The following AXDND1 variants were observed in gnomAD, a reference collection of about 807,000 sequenced individuals.
AXDND1 encodes axonemal dynein light chain domain containing 1.
A neutral mutation model predicts 137.5 loss-of-function variants in AXDND1; 110 were observed. The observed-to-expected ratio is 0.80, with a 90% CI of 0.69 to 0.94. AXDND1 has a LOEUF of 0.94. AXDND1 is among the 40% of genes least tolerant of loss of function. The pLI is 0.00. For synonymous variants in AXDND1, 414 were observed against 399.7 expected (o/e 1.04, Z -0.43); for missense variants, 1,191 against 1,169.8 (o/e 1.02, Z -0.26).
chr1:179,374,778 G>GAAC (rs1212726557), intron 4 of AXDND1, among the ~76,000 whole-genome samples: 1 of 140,270 alleles, frequency 7.1e-6, no homozygotes, highest in East Asian at 2.3e-4. Context: ...TGAACAATGA[G>GAAC]AACACCTGGA....
intron 15 of AXDND1, among the ~76,000 whole-genome samples, chr1:179,441,568 A>G (rs1451494478): frequency 6.6e-6 from 1 of 152,226 alleles, no homozygotes; most frequent in African/African-American, 2.4e-5. Flanking sequence ...CGGCCACGGT[A>G]TGAGGAATCT....
intron 25 of AXDND1, chr1:179,550,696 T>A (rs1673128817): frequency 1.0e-5 from 2 of 190,760 alleles, no homozygotes; most frequent in Admixed American, 5.3e-5. Flanking sequence ...TGAGTGTGGT[T>A]GAGGAAAACT....
chr1:179,418,567 C>T (rs1477820996), intron 12 of AXDND1, among the ~76,000 whole-genome samples: 6 of 150,862 alleles, frequency 4.0e-5, no homozygotes, highest in African/African-American at 7.3e-5. Context: ...TAGGGGCGGC[C>T]GGGCAGAGGC....
intron 4 of AXDND1, among the ~76,000 whole-genome samples, chr1:179,376,383 A>C (rs1394310262): frequency 2.0e-5 from 3 of 152,172 alleles, no homozygotes. Context: ...TGAGGGTTTC[A>C]TATCCGGTGA....
intron 14 of AXDND1, 115 bp from the exon 15 acceptor site, chr1:179,432,152 G>T (rs1187605875): frequency 7.5e-7 from 1 of 1,325,884 alleles, no homozygotes; most frequent in African/African-American, 1.5e-5. Context: ...TGGAAGGCAT[G>T]CTTCAAAATT....
intron 23 of AXDND1, among the ~76,000 whole-genome samples, chr1:179,531,651 G>C (rs905704736): frequency 1.3e-5 from 2 of 152,176 alleles, no homozygotes; most frequent in African/African-American, 4.8e-5. Flanking sequence ...ATAGTCCAAA[G>C]CTGATAGGAG....
chr1:179,508,093 C>A (rs1668697263), intron 20 of AXDND1, among the ~76,000 whole-genome samples: 1 of 152,130 alleles, frequency 6.6e-6, no homozygotes, highest in African/African-American at 2.4e-5. Context: ...GGGCCAGGTA[C>A]AGTGGCTCAT....
At chr1:179,457,805 G>T (rs1375472212) in intron 16 of AXDND1, among the ~76,000 whole-genome samples, 3 of 152,122 alleles carry the variant, frequency 2.0e-5, no homozygotes, top group African/African-American at 7.2e-5. Flanking sequence ...TAAGAAAAAA[G>T]AGTATTTAGA....
chr1:179,444,136 G>A (rs1659397662), intron 15 of AXDND1, among the ~76,000 whole-genome samples: 1 of 151,308 alleles, frequency 6.6e-6, no homozygotes, highest in South Asian at 2.1e-4. Context: ...CTTCAATTTA[G>A]GAATAGTAAT....
intron 6 of AXDND1, among the ~76,000 whole-genome samples, chr1:179,381,283 C>T (rs1648253612): frequency 6.6e-6 from 1 of 151,120 alleles, no homozygotes; most frequent in Non-Finnish European, 1.5e-5. Flanking sequence ...CTCAGGTGAT[C>T]TGCCCGCTTT....
intron 25 of AXDND1, chr1:179,551,629 T>C: frequency 1.5e-6 from 1 of 672,788 alleles, no homozygotes; most frequent in Non-Finnish European, 2.5e-6. Context: ...CAGATTAAAC[T>C]GTTAATCACA....
At chr1:179,384,985 A>G (rs1425824838) in intron 8 of AXDND1, among the ~76,000 whole-genome samples, 1 of 152,148 alleles carries the variant, frequency 6.6e-6, no homozygotes, top group African/African-American at 2.4e-5. Context: ...GCTGGTCTCA[A>G]GCTCCTTGCC....
intron 17 of AXDND1, among the ~76,000 whole-genome samples, chr1:179,473,736 G>A (rs937431346): frequency 1.3e-5 from 2 of 152,130 alleles, no homozygotes; most frequent in Non-Finnish European, 2.9e-5. Flanking sequence ...CCCCCACGCT[G>A]TTCTCATGAG....
intron 5 of AXDND1, 23 bp from the exon 6 acceptor site, chr1:179,379,374 T>C: frequency 1.2e-6 from 2 of 1,600,076 alleles, no homozygotes; most frequent in Non-Finnish European, 1.7e-6. Flanking sequence ...CATTCTTTTA[T>C]TTTGCTTTTC....
At chr1:179,459,735 C>CT (rs1431460254) in intron 16 of AXDND1, among the ~76,000 whole-genome samples, 1 of 102,180 alleles carries the variant, frequency 9.8e-6, no homozygotes, top group African/African-American at 4.4e-5. Flanking sequence ...TCCTTCCTTC[C>CT]TTTTTTCCTT....
At chr1:179,389,791 T>G (rs1336887161) in intron 9 of AXDND1, among the ~76,000 whole-genome samples, 1 of 152,202 alleles carries the variant, frequency 6.6e-6, no homozygotes, top group Non-Finnish European at 1.5e-5. Flanking sequence ...TTCAGAGTAT[T>G]TAGTTCCTAT....
chr1:179,432,921 G>A (rs888011068), intron 15 of AXDND1, among the ~76,000 whole-genome samples: 4 of 151,832 alleles, frequency 2.6e-5, no homozygotes, highest in Non-Finnish European at 5.9e-5. Flanking sequence ...AAAATGCAAT[G>A]TTAAGTTTTA....
intron 15 of AXDND1, among the ~76,000 whole-genome samples, chr1:179,443,194 C>T (rs957204778): frequency 3.3e-5 from 5 of 152,162 alleles, no homozygotes; most frequent in African/African-American, 1.2e-4. Context: ...TCATGATAAA[C>T]AGTTTGCTGT....
At chr1:179,490,997 G>A (rs1039819794) in intron 18 of AXDND1, among the ~76,000 whole-genome samples, 12 of 152,140 alleles carry the variant, frequency 7.9e-5, no homozygotes, top group Non-Finnish European at 1.6e-4. Context: ...AGAATTGTAG[G>A]TTCTCACAGG....
Sources: allele counts gnomAD v4.1 joint callset (sites outside exome capture counted in the v4.1 genomes callset), GRCh38; gene constraint gnomAD v4.1.1; transcripts MANE v1.5; gene names NCBI Gene and HGNC (gene_info 2026-07-23, HGNC 2026-07-21).